NAA38: variants seen among roughly 807,000 people sequenced by gnomAD.
NAA38 encodes the protein LSM domain containing 1.
A neutral mutation model predicts 12.6 loss-of-function variants in NAA38; 15 were observed. That is an observed-to-expected ratio of 1.19 (90% confidence interval 0.79 to 1.83). The LOEUF (loss-of-function observed/expected upper bound fraction) is 1.83, where lower values mean the gene tolerates loss of function less well. NAA38 is among the 40% of genes most tolerant of loss of function. The probability of loss-of-function intolerance (pLI) is 0.00; values close to 1 mark genes in which losing one functional copy is unlikely to be tolerated. For synonymous variants in NAA38, 88 were observed against 69.9 expected, an observed-to-expected ratio of 1.26 and a Z score of -1.29; for missense variants, 183 against 171.7, an observed-to-expected ratio of 1.07 and a Z score of -0.37.
Position 7,884,830 on chromosome 17 carries a change from G to A in NAA38, c.-167+335C>T, listed in dbSNP as rs769517619. 16 of 511,724 alleles carry A rather than the reference G, an allele frequency of 3.1e-5. No homozygotes were observed. The South Asian group carries it at 5.7e-4, about 18-fold the overall frequency. 31.7% of individuals were successfully genotyped at this position (511,724 alleles called of 1,614,324 possible). ...GGATGGCTTCCCCTCTGAGGGACGA[G>A]GAGGAGGAGGAGGAGGAGATGGTGG... On this transcript the variant is annotated intron_variant, in intron 1 of 4. Transcript: ENST00000576861.
At chr17:7,885,044 C>A in intron 1 of NAA38, 1 of 1,093,960 alleles carries the variant, frequency 9.1e-7, no homozygotes, top group Non-Finnish European at 1.1e-6. Context: ...GCCGCCGCCG[C>A]CGCCACCGCT....
chr17:7,873,769 A>G lies in NAA38; in HGVS notation c.-65-7211T>C, dbSNP rs891534391. 2.6e-5 allele frequency among the ~76,000 whole-genome samples: 4 copies of G among 152,320 alleles called. No individual in the cohort carries two copies. The East Asian group carries it at 7.7e-4, about 29-fold the overall frequency. The stretch of plus-strand genomic sequence containing the variant: ...GATAGAGTTAAACATGTAGTTGAGT[A>G]TTGGAATTTCAAGGGAGTTCTCATA... On this transcript the variant is annotated intron_variant, in intron 2 of 4. Transcript: ENST00000576861.
chr17:7,856,907 G>T, intron 2 of NAA38, 64 bp from the exon 3 acceptor site: 1 of 1,593,578 alleles, frequency 6.3e-7, no homozygotes, highest in Non-Finnish European at 8.6e-7. Flanking sequence ...TCTGAGCCAC[G>T]AAAACGAGCC....
Position 7,879,796 on chromosome 17 carries a change from GAC to G in NAA38, c.-66+3437_-66+3438del, listed in dbSNP as rs753750894. 4.4e-4 allele frequency among the ~76,000 whole-genome samples: 67 copies of G among 152,186 alleles called. 1 individual carries two copies. The highest frequency in any genetic ancestry group is 1.0e-3 in the South Asian group (5 of 4,822). ...AGGGAGACAAGCAGCTAGACAGTGAGACACACAGGCATAGATAAAAGGCCTAA... is the reference window on the plus strand; with the variant it reads ...AGGGAGACAAGCAGCTAGACAGTGAGACACAGGCATAGATAAAAGGCCTAA... On this transcript the variant is annotated intron_variant, in intron 2 of 4. Coordinates refer to the NAA38 transcript ENST00000576861.
intron 1 of NAA38, among the ~76,000 whole-genome samples, chr17:7,883,506 T>A (rs575862839): frequency 6.6e-6 from 1 of 152,250 alleles, no homozygotes; most frequent in East Asian, 1.9e-4. Flanking sequence ...AGAGTAAAGA[T>A]AAAATTTATA....
At chr17:7,877,847 C>T (rs902409170) in intron 2 of NAA38, among the ~76,000 whole-genome samples, 1 of 152,152 alleles carries the variant, frequency 6.6e-6, no homozygotes, top group Non-Finnish European at 1.5e-5. Context: ...TAGGACATCT[C>T]ATTGACTTAA....
intron 2 of NAA38, among the ~76,000 whole-genome samples, chr17:7,869,028 T>C (rs1326619864): frequency 6.6e-6 from 1 of 152,192 alleles, no homozygotes; most frequent in African/African-American, 2.4e-5. Flanking sequence ...GTGCTTAAGC[T>C]CGTAACTCAG....
intron 2 of NAA38, among the ~76,000 whole-genome samples, chr17:7,871,263 T>C (rs1967080126): frequency 6.6e-6 from 1 of 152,198 alleles, no homozygotes; most frequent in Admixed American, 6.5e-5. Context: ...TTAACCTCCC[T>C]TTGTCTGTTT....
At chr17:7,871,269 T>G (rs1193717568) in intron 2 of NAA38, among the ~76,000 whole-genome samples, 1 of 152,248 alleles carries the variant, frequency 6.6e-6, no homozygotes, top group Non-Finnish European at 1.5e-5. Flanking sequence ...TCCCTTTGTC[T>G]GTTTTCTCAT....
In NAA38 at chr17:7,857,303, T is replaced by C. The variant is rs773444252; in HGVS notation, c.81+80A>G. 5.0e-6 allele frequency: 8 copies of C among 1,611,966 alleles called. No homozygotes were observed. The African/African-American group carries it at 1.1e-4, about 22-fold the overall frequency. ...GGGCACTCACACAAAGCCCAGAGGC[T>C]GCCGGGAGCTGCAGTTCCCCACCCC... On this transcript the variant is annotated intron_variant, in intron 1 of 2. Transcript: ENST00000575771.
chr17:7,868,176 T>A (rs777537087), intron 2 of NAA38, among the ~76,000 whole-genome samples: 2 of 151,900 alleles, frequency 1.3e-5, no homozygotes, highest in Non-Finnish European at 2.9e-5. Context: ...CTACAGAGGT[T>A]TGGGGAGGAG....
intron 2 of NAA38, among the ~76,000 whole-genome samples, chr17:7,882,682 A>G (rs1448367344): frequency 6.6e-6 from 1 of 152,136 alleles, no homozygotes; most frequent in African/African-American, 2.4e-5. Context: ...TCCAAAGGCC[A>G]GGTTAAAAAA....
At chr17:7,861,242 A>T (rs2078880869), upstream of NAA38, 1 of 152,110 alleles carries the variant, frequency 6.6e-6, no homozygotes, top group African/African-American at 2.4e-5. Flanking sequence ...GCACAGGAGA[A>T]GGTGGCCCCT....
chr17:7,885,319 GCCGCCGCCGCCGCCGCCGCCGCCGCCA>G (rs1251885467), upstream of NAA38: 10 of 153,426 alleles, frequency 6.5e-5, no homozygotes, highest in Admixed American at 4.7e-4. Flanking sequence ...CGCCGCCGCC[GCCGCCGCCGCCGCCGCCGCCGCCGCCA>G]CCCCGGCTGG....
At chr17:7,882,164 C>T (rs758858543) in intron 2 of NAA38, among the ~76,000 whole-genome samples, 8 of 152,140 alleles carry the variant, frequency 5.3e-5, no homozygotes, top group Non-Finnish European at 1.0e-4. Flanking sequence ...GGGATGCACA[C>T]GGCCACCTTT....
chr17:7,867,672 T>A (rs766330655), intron 2 of NAA38, among the ~76,000 whole-genome samples: 1 of 152,132 alleles, frequency 6.6e-6, no homozygotes, highest in Non-Finnish European at 1.5e-5. Context: ...ATGATCAGAT[T>A]TGCATTTTCA....
intron 2 of NAA38, chr17:7,883,118 C>T (rs759255138): frequency 2.0e-5 from 3 of 152,242 alleles, no homozygotes; most frequent in Non-Finnish European, 4.4e-5. Flanking sequence ...GAGAAAGCTA[C>T]TTTGGGACTC....
At chr17:7,884,972 C>T (rs1567823841) in intron 1 of NAA38, 7 of 1,314,630 alleles carry the variant, frequency 5.3e-6, no homozygotes, top group Non-Finnish European at 5.9e-6. Flanking sequence ...CGGGCGCGGG[C>T]CGGGCCACGA....
intron 2 of NAA38, 36 bp downstream of exon 2, chr17:7,856,979 C>G (rs932154090): frequency 1.3e-6 from 2 of 1,591,450 alleles, no homozygotes; most frequent in East Asian, 2.2e-5. Context: ...GGTTCCGCCA[C>G]ATTACCAGGC....
Sources: gnomAD v4.1 joint callset for allele counts (sites outside exome capture counted in the v4.1 genomes callset) on GRCh38, gnomAD v4.1.1 for gene constraint, MANE v1.5 for transcripts, NCBI Gene and HGNC (gene_info 2026-07-23, HGNC 2026-07-21) for gene names.